Variants in SLC16A7 observed in about 807,000 individuals in gnomAD.
The protein encoded by SLC16A7 is monocarboxylate transporter 2.
In SLC16A7, 33 loss-of-function variants were observed where a neutral mutation model predicts 34.9. The observed-to-expected ratio is 0.94, with a 90% CI of 0.72 to 1.26. SLC16A7 has a LOEUF of 1.26. SLC16A7 is among the 50% of genes most tolerant of loss of function. The pLI is 0.00. For missense variants in SLC16A7, 573 were observed against 578.1 expected (o/e 0.99, Z 0.09); for synonymous variants, 201 against 206.6 (o/e 0.97, Z 0.23).
Position 59,779,326 on chromosome 12 carries a change from A to G in SLC16A7, c.1181-97A>G, listed in dbSNP as rs1289056697. ...AAAGTCTTATTTGACATTAATTTAAATAAGAGGAATATACTTTGAAGAATA... is the reference window on the plus strand; with the variant it reads ...AAAGTCTTATTTGACATTAATTTAAGTAAGAGGAATATACTTTGAAGAATA... On this transcript the variant is annotated intron_variant, in intron 5 of 5. Coordinates refer to ENST00000547379, the MANE Select transcript of SLC16A7 (RefSeq NM_001270623.2). 1.8e-5 allele frequency: 17 copies of G among 920,706 alleles called. No homozygotes were observed. In the African/African-American group the frequency reaches 2.7e-4, roughly 15 times the overall value. The allele number at this position is 920,706 out of a possible 1,614,324, so 57.0% of individuals were successfully genotyped here. A position where few individuals can be genotyped will look rare whatever the true frequency, so the allele number is the denominator to read the frequency against.
At chr12:59,721,285 T>C (rs1875550749) in intron 3 of SLC16A7, among the ~76,000 whole-genome samples, 2 of 152,026 alleles carry the variant, frequency 1.3e-5, no homozygotes, top group African/African-American at 2.4e-5. Flanking sequence ...AACTTCCACA[T>C]ACTTCTACTA....
At chr12:59,655,350 G>T (rs112927443) in intron 2 of SLC16A7, 100 bp downstream of exon 2, 2 of 151,846 alleles carry the variant, frequency 1.3e-5, no homozygotes, top group African/African-American at 4.8e-5. Context: ...GGTAGTATTG[G>T]CATGACTACT....
chr12:59,710,961 TTTA>T (rs1874159249), intron 3 of SLC16A7, among the ~76,000 whole-genome samples: 1 of 152,190 alleles, frequency 6.6e-6, no homozygotes, highest in Non-Finnish European at 1.5e-5. Context: ...GGCAGCTTTG[TTTA>T]TTTATGTTGA....
intron 1 of SLC16A7, among the ~76,000 whole-genome samples, chr12:59,605,074 A>G (rs2136959771): frequency 6.6e-6 from 1 of 152,176 alleles, no homozygotes; most frequent in East Asian, 1.9e-4. Flanking sequence ...GATGGTATTG[A>G]TCTCCTGACC....
intron 3 of SLC16A7, among the ~76,000 whole-genome samples, chr12:59,706,706 G>A (rs1331066126): frequency 3.3e-5 from 5 of 152,044 alleles, no homozygotes; most frequent in African/African-American, 9.7e-5. Context: ...TTTTGCTAGA[G>A]CAGCACACAG....
At chr12:59,658,704 T>C (rs1242959074) in intron 2 of SLC16A7, among the ~76,000 whole-genome samples, 1 of 152,016 alleles carries the variant, frequency 6.6e-6, no homozygotes, top group Non-Finnish European at 1.5e-5. Flanking sequence ...CCTCATTTCT[T>C]TTACATAGAC....
rs528482633 is a variant in SLC16A7, at chr12:59,710,726, A to T, written c.217+5708A>T. On this transcript the variant is annotated intron_variant, in intron 3 of 5. Transcript: ENST00000547379. ...ATCTTTCCTGATTTTTGGCTTAAAAATTTTCAAAAATATGTTATTATATCA... is the reference window on the plus strand; with the variant it reads ...ATCTTTCCTGATTTTTGGCTTAAAATTTTTCAAAAATATGTTATTATATCA... Among the ~76,000 whole-genome samples, 196 of 152,228 alleles carry T rather than the reference A, an allele frequency of 1.3e-3. 4 individuals carry two copies. In the South Asian group the frequency reaches 0.02, roughly 16 times the overall value.
chr12:59,641,160 T>C (rs565390007), intron 1 of SLC16A7, among the ~76,000 whole-genome samples: 62 of 152,206 alleles, frequency 4.1e-4, no homozygotes, highest in African/African-American at 1.5e-3. Context: ...CCTGGGTAAA[T>C]CTCTATCTTA....
intron 3 of SLC16A7, among the ~76,000 whole-genome samples, chr12:59,754,832 G>C (rs907204264): frequency 1.3e-5 from 2 of 152,136 alleles, no homozygotes; most frequent in Non-Finnish European, 2.9e-5. Context: ...CAATATCCTT[G>C]ATGAACATTG....
At chr12:59,768,198 T>C in intron 3 of SLC16A7, 1 of 455,838 alleles carries the variant, frequency 2.2e-6, no homozygotes, top group Non-Finnish European at 4.4e-6. Flanking sequence ...GGATTTGCTA[T>C]TCTAGATAAC....
intron 3 of SLC16A7, among the ~76,000 whole-genome samples, chr12:59,751,397 C>T (rs1006332104): frequency 7.2e-5 from 11 of 152,226 alleles, no homozygotes; most frequent in African/African-American, 2.4e-4. Flanking sequence ...GTCACTCCCA[C>T]CCCAATACTG....
chr12:59,737,538 T>A (rs768105758), intron 3 of SLC16A7, among the ~76,000 whole-genome samples: 18 of 152,236 alleles, frequency 1.2e-4, no homozygotes, highest in Non-Finnish European at 2.5e-4. Context: ...ATGTTTATGC[T>A]CCTTAACTGC....
chr12:59,674,290 T>C (rs1193679618), intron 2 of SLC16A7, among the ~76,000 whole-genome samples: 2 of 152,204 alleles, frequency 1.3e-5, no homozygotes, highest in African/African-American at 2.4e-5. Context: ...ATATACTCCA[T>C]GAAGGCATAG....
chr12:59,606,522 A>T (rs910351060), intron 1 of SLC16A7, among the ~76,000 whole-genome samples: 3 of 152,164 alleles, frequency 2.0e-5, no homozygotes, highest in African/African-American at 7.2e-5. Context: ...CATATTTTGA[A>T]TCCTCATATT....
chr12:59,757,534 A>T (rs185681740), intron 3 of SLC16A7, among the ~76,000 whole-genome samples: 2 of 152,306 alleles, frequency 1.3e-5, no homozygotes, highest in African/African-American at 4.8e-5. Context: ...CACTGGAACT[A>T]AAGCAAAATG....
intron 3 of SLC16A7, among the ~76,000 whole-genome samples, chr12:59,706,469 A>T (rs1873592394): frequency 6.6e-6 from 1 of 151,828 alleles, no homozygotes. Flanking sequence ...TCCCTTATTC[A>T]TTTGGTTAGG....
Position 59,664,167 on chromosome 12 carries a change from G to A in SLC16A7, c.-31+8917G>A, listed in dbSNP as rs114782919. On this transcript the variant is annotated intron_variant, in intron 2 of 5. Coordinates refer to ENST00000547379, the MANE Select transcript of SLC16A7 (RefSeq NM_001270623.2). ...CCCATAGGAAAATATTTATCATAAT[G>A]TCTATCATGTATCATTTAGAGAATG... Among the ~76,000 whole-genome samples, 446 of 152,196 alleles carry A rather than the reference G, an allele frequency of 2.9e-3. 3 individuals carry two copies. Among genetic ancestry groups the A allele is most frequent in the African/African-American group, 0.01 (425 of 41,520 alleles).
intron 4 of SLC16A7, 79 bp downstream of exon 4, chr12:59,771,441 ATTCT>A: frequency 1.9e-6 from 2 of 1,028,712 alleles, no homozygotes; most frequent in Non-Finnish European, 2.7e-6. Context: ...ACAACAGAAA[ATTCT>A]TATTTTCTTT....
At chr12:59,670,578 C>T (rs1183664154) in intron 2 of SLC16A7, among the ~76,000 whole-genome samples, 1 of 152,166 alleles carries the variant, frequency 6.6e-6, no homozygotes, top group Non-Finnish European at 1.5e-5. Context: ...AGCAAAATTC[C>T]TCTCCATCTG....
Sources: gnomAD v4.1 joint callset for allele counts (sites outside exome capture counted in the v4.1 genomes callset) on GRCh38, gnomAD v4.1.1 for gene constraint, MANE v1.5 for transcripts, NCBI Gene and HGNC (gene_info 2026-07-23, HGNC 2026-07-21) for gene names.